SGCD: variants seen among roughly 807,000 people sequenced by gnomAD.
SGCD encodes the protein delta-sarcoglycan.
In SGCD, 18 loss-of-function variants were observed where a neutral mutation model predicts 36.6. The observed-to-expected ratio is 0.49, with a 90% confidence interval of 0.34 to 0.73. The LOEUF (loss-of-function observed/expected upper bound fraction) is 0.73. SGCD is among the 30% of genes least tolerant of loss of function. The probability of loss-of-function intolerance (pLI) is 0.01; values close to 1 mark genes in which losing one functional copy is unlikely to be tolerated. For missense variants in SGCD, 387 were observed against 346.7 expected, an observed-to-expected ratio of 1.12 and a Z score of -0.92; for synonymous variants, 133 against 130.6, an observed-to-expected ratio of 1.02 and a Z score of -0.12.
intron 3 of SGCD, among the ~76,000 whole-genome samples, chr5:156,125,839 TTTATTA>T (rs144493356): frequency 0.27 from 34,963 of 131,270 alleles, 4,785 homozygotes; most frequent in African/African-American, 0.32. Flanking sequence ...CACTCATTCT[TTTATTA>T]TTATTATTAT....
At chr5:156,646,434 C>G (rs541151819) in intron 6 of SGCD, among the ~76,000 whole-genome samples, 2 of 152,290 alleles carry the variant, frequency 1.3e-5, no homozygotes, top group East Asian at 1.9e-4. Flanking sequence ...TAAAGTCAAC[C>G]TGGCTATATC....
At chr5:156,543,929 T>G (rs1019332678) in intron 4 of SGCD, among the ~76,000 whole-genome samples, 5 of 152,190 alleles carry the variant, frequency 3.3e-5, no homozygotes, top group Admixed American at 6.5e-5. Flanking sequence ...CACTGCAGTT[T>G]TGTGATTAAA....
At chr5:156,329,712 CT>C in intron 2 of SGCD, 133 bp downstream of exon 2, 1 of 872,258 alleles carries the variant, frequency 1.1e-6, no homozygotes, top group Non-Finnish European at 1.7e-6. Context: ...TTTAATTTTA[CT>C]TTTTTATTTT....
At chr5:156,417,866 A>T (rs1260727068) in intron 3 of SGCD, among the ~76,000 whole-genome samples, 2 of 152,148 alleles carry the variant, frequency 1.3e-5, no homozygotes. Flanking sequence ...AGTTGCCAAG[A>T]TCATAATACA....
intron 3 of SGCD, among the ~76,000 whole-genome samples, chr5:156,192,411 G>A (rs1763913500): frequency 6.6e-6 from 1 of 152,132 alleles, no homozygotes; most frequent in South Asian, 2.1e-4. Context: ...ATATGTGAGA[G>A]CTAAAAAAGT....
At chr5:156,222,344 T>C (rs570549443) in intron 3 of SGCD, among the ~76,000 whole-genome samples, 4 of 152,290 alleles carry the variant, frequency 2.6e-5, no homozygotes, top group South Asian at 2.1e-4. Context: ...AAAATATCAC[T>C]AATTCCTACA....
At chr5:156,296,655 C>T (rs1766899578) in intron 3 of SGCD, among the ~76,000 whole-genome samples, 1 of 152,100 alleles carries the variant, frequency 6.6e-6, no homozygotes, top group South Asian at 2.1e-4. Flanking sequence ...ACAGAAGATA[C>T]TTTGTATTAT....
chr5:156,341,085 T>C (rs1768627906), intron 2 of SGCD, among the ~76,000 whole-genome samples: 1 of 152,184 alleles, frequency 6.6e-6, no homozygotes, highest in African/African-American at 2.4e-5. Context: ...GTGGTGGAGA[T>C]GACATGCAAT....
intron 3 of SGCD, among the ~76,000 whole-genome samples, chr5:156,499,688 A>G (rs992005683): frequency 6.6e-5 from 10 of 152,200 alleles, no homozygotes; most frequent in African/African-American, 2.4e-4. Context: ...GTTCTGTGAC[A>G]GAGTGAAGGG....
chr5:155,929,051 A>T (rs1580995662), intron 1 of SGCD, among the ~76,000 whole-genome samples: 1 of 152,290 alleles, frequency 6.6e-6, no homozygotes, highest in East Asian at 1.9e-4. Context: ...TATAAAGTGA[A>T]CGGTAAAATC....
At chr5:156,366,090 C>T (rs141810173) in intron 3 of SGCD, among the ~76,000 whole-genome samples, 1 of 152,316 alleles carries the variant, frequency 6.6e-6, no homozygotes, top group East Asian at 1.9e-4. Flanking sequence ...AAAATGAAGG[C>T]AACTTTGCAA....
intron 3 of SGCD, among the ~76,000 whole-genome samples, chr5:156,308,671 T>C (rs1485953122): frequency 6.6e-6 from 1 of 152,004 alleles, no homozygotes; most frequent in African/African-American, 2.4e-5. Context: ...ATGGGGAAAA[T>C]CCACACCCAT....
chr5:155,937,261 A>G (rs750523648), intron 1 of SGCD, among the ~76,000 whole-genome samples: 10 of 152,154 alleles, frequency 6.6e-5, no homozygotes, highest in Non-Finnish European at 1.3e-4. Flanking sequence ...CAGCCAAGCC[A>G]TGCCTCCCCC....
chr5:155,808,688 A>G, the SGCD span, among the ~76,000 whole-genome samples: 1 of 152,236 alleles, frequency 6.6e-6, no homozygotes. Context: ...TAGCCAATGG[A>G]TTATTATTCT....
In SGCD at chr5:155,874,586, A is replaced by G. The variant is rs543811625; in HGVS notation, c.-282+4162A>G. The stretch of plus-strand genomic sequence containing the variant: ...GTAACTCAAAAAGAGAAGCAACCCA[A>G]TGAAAATGGGGCAAAGATTTTTACA... On this transcript the variant is annotated intron_variant, in intron 1 of 9. Transcript: ENST00000517913. Among the ~76,000 whole-genome samples the G allele has an allele frequency of 1.4e-4, 22 of 152,254 alleles. No homozygotes were observed. In the South Asian group the frequency reaches 1.9e-3, roughly 13 times the overall value.
chr5:156,613,606 G>C (rs1305266438), intron 6 of SGCD, among the ~76,000 whole-genome samples: 2 of 151,710 alleles, frequency 1.3e-5, no homozygotes, highest in Non-Finnish European at 2.9e-5. Context: ...AAGAGCATCA[G>C]CTGTGGTCTA....
At chr5:156,740,532 A>T (rs1166593834) in intron 7 of SGCD, among the ~76,000 whole-genome samples, 1 of 152,248 alleles carries the variant, frequency 6.6e-6, no homozygotes. Flanking sequence ...GAGTGGCAAC[A>T]CAGAAGTATA....
intron 1 of SGCD, among the ~76,000 whole-genome samples, chr5:155,874,535 C>T (rs1755725276): frequency 6.6e-6 from 1 of 151,834 alleles, no homozygotes; most frequent in Non-Finnish European, 1.5e-5. Context: ...TGTATCCAGG[C>T]TATATTAAAA....
At chr5:155,908,344 G>A (rs1391338111) in intron 1 of SGCD, among the ~76,000 whole-genome samples, 1 of 152,072 alleles carries the variant, frequency 6.6e-6, no homozygotes, top group Admixed American at 6.6e-5. Context: ...ACATTTGATT[G>A]ACTCACTTTT....
Sources: allele counts gnomAD v4.1 joint callset (sites outside exome capture counted in the v4.1 genomes callset), GRCh38; gene constraint gnomAD v4.1.1; transcripts MANE v1.5; gene names NCBI Gene and HGNC (gene_info 2026-07-23, HGNC 2026-07-21).